ARHGAP44: variants seen among roughly 807,000 people sequenced by gnomAD.
ARHGAP44 encodes rho GTPase-activating protein 44.
Under a neutral mutation model 106.8 loss-of-function variants are expected in ARHGAP44, and 43 were observed. The observed-to-expected ratio is 0.40, with a 90% CI of 0.32 to 0.52. The LOEUF is 0.52. Ranked by LOEUF, ARHGAP44 falls within the 20% of genes least tolerant of loss-of-function variation. ARHGAP44 has a pLI of 0.48. For synonymous variants in ARHGAP44, 439 were observed against 410.3 expected, an observed-to-expected ratio of 1.07 and a Z score of -0.85; for missense variants, 866 against 1,050.5, an observed-to-expected ratio of 0.82 and a Z score of 2.43.
chr17:12,943,493 A>C (rs2038759647), intron 8 of ARHGAP44, 95 bp from the exon 9 acceptor site: 2 of 1,115,080 alleles, frequency 1.8e-6, no homozygotes. Context: ...CTCCTTCCGC[A>C]TGTGGAAGCA....
chr17:12,900,019 C>G (rs1396676959), intron 3 of ARHGAP44, among the ~76,000 whole-genome samples: 1 of 152,104 alleles, frequency 6.6e-6, no homozygotes, highest in Non-Finnish European at 1.5e-5. Flanking sequence ...TCTCAGTGAC[C>G]AGAGAGAACA....
At chr17:12,828,512 G>T (rs2150808116) in intron 1 of ARHGAP44, among the ~76,000 whole-genome samples, 1 of 151,784 alleles carries the variant, frequency 6.6e-6, no homozygotes, top group East Asian at 1.9e-4. Context: ...AAATGAAATT[G>T]ATAGGCTGTT....
At chr17:12,956,390 G>A (rs2039127882) in intron 14 of ARHGAP44, among the ~76,000 whole-genome samples, 1 of 152,190 alleles carries the variant, frequency 6.6e-6, no homozygotes, top group African/African-American at 2.4e-5. Context: ...CACAGGGACG[G>A]GAGGGAGGAG....
In ARHGAP44 at chr17:12,789,735, C is replaced by A; in HGVS notation, c.-104C>A. 1 of 1,125,038 alleles carries A rather than the reference C, an allele frequency of 8.9e-7. No homozygotes were observed. Among genetic ancestry groups the A allele is most frequent in the Non-Finnish European group, 1.2e-6 (1 of 859,540 alleles). 69.7% of individuals were successfully genotyped at this position (1,125,038 alleles called of 1,614,324 possible). A position where few individuals can be genotyped will look rare whatever the true frequency, so the allele number is the denominator to read the frequency against. ...GCCCGGAGGCTCCGCAGTGCCGCCGCCGTCGCCCGGGAGGCTCCGCGCGGG... is the reference window on the plus strand; with the variant it reads ...GCCCGGAGGCTCCGCAGTGCCGCCGACGTCGCCCGGGAGGCTCCGCGCGGG... On this transcript the variant is annotated 5_prime_UTR_variant, in exon 1 of 21. Coordinates refer to ENST00000379672, the MANE Select transcript of ARHGAP44 (RefSeq NM_014859.6).
chr17:12,818,707 GAGA>G (rs1286340107), intron 1 of ARHGAP44, among the ~76,000 whole-genome samples: 1 of 152,014 alleles, frequency 6.6e-6, no homozygotes, highest in Non-Finnish European at 1.5e-5. Flanking sequence ...ACAGTATTTA[GAGA>G]AGTAGCAAAA....
chr17:12,904,170 C>T (rs774507106), intron 3 of ARHGAP44, among the ~76,000 whole-genome samples: 5 of 151,864 alleles, frequency 3.3e-5, no homozygotes, highest in Non-Finnish European at 7.4e-5. Flanking sequence ...GCAGTGGTGC[C>T]ATCTCGGCTC....
intron 1 of ARHGAP44, among the ~76,000 whole-genome samples, chr17:12,886,688 A>G (rs1439821732): frequency 6.6e-6 from 1 of 152,028 alleles, no homozygotes; most frequent in Non-Finnish European, 1.5e-5. Context: ...GAATTTTTTT[A>G]TAGGTTCCTT....
chr17:12,802,753 CT>C (rs869172678), intron 1 of ARHGAP44, among the ~76,000 whole-genome samples: 1,315 of 108,714 alleles, frequency 0.012, 8 homozygotes, highest in East Asian at 0.1. Flanking sequence ...TTTTTTATTT[CT>C]TTTTTTTTTT....
chr17:12,982,897 G>A (rs1776480568), intron 19 of ARHGAP44: 1 of 152,148 alleles, frequency 6.6e-6, no homozygotes, highest in Non-Finnish European at 1.5e-5. Context: ...TGGAGGGAGT[G>A]GGGGTGGGGT....
chr17:12,956,534 C>T (rs2039130873), intron 14 of ARHGAP44, 121 bp from the exon 15 acceptor site: 5 of 743,066 alleles, frequency 6.7e-6, no homozygotes, highest in Non-Finnish European at 6.9e-6. Context: ...GCTCTCAAAC[C>T]TCTGTCTGTG....
At chr17:12,826,156 G>A (rs2034913735) in intron 1 of ARHGAP44, among the ~76,000 whole-genome samples, 1 of 152,106 alleles carries the variant, frequency 6.6e-6, no homozygotes, top group African/African-American at 2.4e-5. Flanking sequence ...GGGGTGGTTT[G>A]TACAGATTAT....
At chr17:12,926,814 TTC>T (rs2038260875) in intron 6 of ARHGAP44, among the ~76,000 whole-genome samples, 1 of 152,002 alleles carries the variant, frequency 6.6e-6, no homozygotes, top group South Asian at 2.1e-4. Flanking sequence ...TTTAAACACT[TTC>T]ATATTGGTTA....
chr17:12,858,112 T>G (rs2035965969), intron 1 of ARHGAP44, among the ~76,000 whole-genome samples: 1 of 152,194 alleles, frequency 6.6e-6, no homozygotes. Flanking sequence ...ATGCCAAGTC[T>G]GTAGTAAGCC....
intron 5 of ARHGAP44, among the ~76,000 whole-genome samples, chr17:12,918,745 C>T (rs2037988277): frequency 6.6e-6 from 1 of 152,176 alleles, no homozygotes; most frequent in South Asian, 2.1e-4. Context: ...CTGTGTCAGA[C>T]ATGACTGCGT....
intron 1 of ARHGAP44, among the ~76,000 whole-genome samples, chr17:12,831,004 A>G (rs994718540): frequency 5.3e-5 from 8 of 152,158 alleles, no homozygotes; most frequent in African/African-American, 1.9e-4. Context: ...TCTTTATTAC[A>G]TTTTCCTGTT....
chr17:12,903,125 AGGAGAGAGAGAGAGAGT>A (rs2037435134), intron 3 of ARHGAP44, among the ~76,000 whole-genome samples: 15 of 72,706 alleles, frequency 2.1e-4, no homozygotes, highest in African/African-American at 8.8e-4. Context: ...AGAGAGAGAG[AGGAGAGAGAGAGAGAGT>A]GTGTGTGTGT....
chr17:12,805,203 C>T (rs1244773974), intron 1 of ARHGAP44, among the ~76,000 whole-genome samples: 2 of 152,176 alleles, frequency 1.3e-5, no homozygotes, highest in Admixed American at 6.5e-5. Context: ...CTCATTTTCT[C>T]ACACCACTTA....
At chr17:12,883,157 A>T (rs1306711576) in intron 1 of ARHGAP44, among the ~76,000 whole-genome samples, 1 of 143,408 alleles carries the variant, frequency 7.0e-6, no homozygotes, top group Non-Finnish European at 1.5e-5. Context: ...TGTTTTTCTA[A>T]ATGGCCATTT....
intron 10 of ARHGAP44, among the ~76,000 whole-genome samples, chr17:12,944,397 A>G (rs542267026): frequency 6.6e-6 from 1 of 152,164 alleles, no homozygotes; most frequent in Admixed American, 6.5e-5. Context: ...ACAAGAAGAG[A>G]GAATTGTGAT....
Sources: allele counts gnomAD v4.1 joint callset (sites outside exome capture counted in the v4.1 genomes callset), GRCh38; gene constraint gnomAD v4.1.1; transcripts MANE v1.5; gene names NCBI Gene and HGNC (gene_info 2026-07-23, HGNC 2026-07-21).